MMRN1: variants seen among roughly 807,000 people sequenced by gnomAD.
MMRN1 encodes the protein multimerin-1.
MMRN1 carries 94 observed loss-of-function variants against 100.7 expected under a neutral mutation model. The observed-to-expected ratio is 0.93, with a 90% CI of 0.79 to 1.11. The LOEUF (loss-of-function observed/expected upper bound fraction) is 1.11, where lower values mean the gene tolerates loss of function less well. Ranked by LOEUF, MMRN1 falls within the 50% of genes least tolerant of loss-of-function variation. The pLI is 0.00. For missense variants in MMRN1, 1,606 were observed against 1,439.1 expected, an observed-to-expected ratio of 1.12 and a Z score of -1.88; for synonymous variants, 575 against 505.0, an observed-to-expected ratio of 1.14 and a Z score of -1.86.
At chr4:89,951,920 A>G (rs982518812) in intron 7 of MMRN1, among the ~76,000 whole-genome samples, 169 bp downstream of exon 7, 4 of 152,196 alleles carry the variant, frequency 2.6e-5, no homozygotes, top group Non-Finnish European at 5.9e-5. Flanking sequence ...ACAAGTGGAA[A>G]TGTCCTTTTG....
At chr4:89,941,277 G>A (rs528658978) in intron 6 of MMRN1, among the ~76,000 whole-genome samples, 53 of 152,214 alleles carry the variant, frequency 3.5e-4, no homozygotes, top group African/African-American at 1.1e-3. Context: ...ACAGGATCTG[G>A]CATATCCATA....
chr4:89,936,910 G>T (rs1429569083), intron 6 of MMRN1, 112 bp downstream of exon 6: 7 of 937,236 alleles, frequency 7.5e-6, no homozygotes, highest in Non-Finnish European at 9.1e-6. Flanking sequence ...ACTTGAACTT[G>T]GATAGATAGT....
chr4:89,900,070 A>G (rs1721335524), intron 1 of MMRN1, among the ~76,000 whole-genome samples: 1 of 152,054 alleles, frequency 6.6e-6, no homozygotes, highest in Non-Finnish European at 1.5e-5. Flanking sequence ...TGTCTTTCAG[A>G]CTTTGAGATT....
rs1483009960 is a variant in MMRN1 at position 89,935,579 on chromosome 4, C to T, written c.1899C>T (p.Asp633=). 1.2e-6 allele frequency: 2 copies of T among 1,613,390 alleles called. No individual in the cohort carries two copies. The highest frequency in any genetic ancestry group is 2.2e-5 in the East Asian group (1 of 44,832). Residue 633 remains aspartate, a synonymous_variant, in exon 6 of 8, where the codon GAC becomes GAT. Coordinates refer to ENST00000264790, the MANE Select transcript of MMRN1 (RefSeq NM_007351.3). ...TCTTTCCAATGGACAATAAGATGGA[C>T]AAAATGAGTGAGCAACTAAATGATT... The part of the protein sequence containing the change: ...EVLFPMDNKM[D]KMSEQLNDLT...
At chr4:89,909,544 A>G (rs1241061511) in intron 2 of MMRN1, 149 bp downstream of exon 2, 1 of 1,018,684 alleles carries the variant, frequency 9.8e-7, no homozygotes, top group Non-Finnish European at 1.4e-6. Context: ...GAAAATGCAG[A>G]CACTAATAAT....
chr4:89,923,060 CT>C, intron 3 of MMRN1, 107 bp from the exon 4 acceptor site: 1 of 872,034 alleles, frequency 1.1e-6, no homozygotes, highest in East Asian at 2.5e-5. Flanking sequence ...GACCATCATG[CT>C]TCAGTACGCG....
chr4:89,892,150 G>A (rs1331510794), upstream of MMRN1, among the ~76,000 whole-genome samples: 1 of 151,430 alleles, frequency 6.6e-6, no homozygotes, highest in Non-Finnish European at 1.5e-5. Context: ...TGAATCCTAT[G>A]TTTATGATAC....
At chr4:89,879,641 T>C (rs935547770) in intron 1 of MMRN1, 6 of 152,188 alleles carry the variant, frequency 3.9e-5, no homozygotes, top group African/African-American at 1.4e-4. Flanking sequence ...AACATTTGCT[T>C]ATTTTTGTAA....
At chr4:89,948,791 A>G (rs1723069588) in intron 6 of MMRN1, among the ~76,000 whole-genome samples, 1 of 152,166 alleles carries the variant, frequency 6.6e-6, no homozygotes, top group Non-Finnish European at 1.5e-5. Flanking sequence ...ACAGAAAGGA[A>G]CTTAAAACAG....
rs181092015 is a variant in MMRN1 at position 89,949,645 on chromosome 4, A to T, written c.3119-1960A>T. 4.2e-3 allele frequency among the ~76,000 whole-genome samples: 640 copies of T among 152,360 alleles called. 2 individuals carry two copies. The highest frequency in any genetic ancestry group is 6.4e-3 in the Non-Finnish European group (437 of 68,030). On this transcript the variant is annotated intron_variant, in intron 6 of 7. Transcript: ENST00000264790. ...AAATATTTGTTAAAAGGTATTACAC[A>T]CATGTAATATTTTAATACTTTTCTT...
At chr4:89,882,602 G>A (rs192292540) in intron 1 of MMRN1, among the ~76,000 whole-genome samples, 1 of 151,810 alleles carries the variant, frequency 6.6e-6, no homozygotes, top group African/African-American at 2.4e-5. Flanking sequence ...GACTCTCTGT[G>A]TTGTAGATAA....
At chr4:89,943,363 G>C (rs1722892355) in intron 6 of MMRN1, among the ~76,000 whole-genome samples, 1 of 152,070 alleles carries the variant, frequency 6.6e-6, no homozygotes, top group African/African-American at 2.4e-5. Flanking sequence ...TCATTTACTT[G>C]AATAGGAAAT....
chr4:89,936,925 TTG>T, intron 6 of MMRN1, 127 bp downstream of exon 6: 5 of 787,224 alleles, frequency 6.4e-6, no homozygotes, highest in Non-Finnish European at 9.5e-6. Flanking sequence ...GATAGTCAAG[TTG>T]TGAAGATCAC....
chr4:89,928,121 A>G (rs1036032238), intron 5 of MMRN1, among the ~76,000 whole-genome samples, 153 bp downstream of exon 5: 2 of 152,118 alleles, frequency 1.3e-5, no homozygotes, highest in Admixed American at 1.3e-4. Flanking sequence ...AATTCACTAA[A>G]ATTCTGAAAT....
In MMRN1 at chr4:89,921,647, T is replaced by C. The variant is rs539988020; in HGVS notation, c.851-1521T>C. ...CCAAGCTGCAGATTGCTTTTGTCCA[T>C]CAGATAAGTCAACAATTACACAGGA... On this transcript the variant is annotated intron_variant, in intron 3 of 7. Transcript: ENST00000264790. Among the ~76,000 whole-genome samples, 23 of 152,216 alleles carry C rather than the reference T, an allele frequency of 1.5e-4. 1 individual carries two copies. The highest frequency in any genetic ancestry group is 3.4e-3 in the Middle Eastern group (1 of 294).
At chr4:89,905,811 A>G (rs2110591167) in intron 1 of MMRN1, among the ~76,000 whole-genome samples, 1 of 151,602 alleles carries the variant, frequency 6.6e-6, no homozygotes, top group South Asian at 2.1e-4. Context: ...TGGCGATTTT[A>G]TTGTCTTACC....
intron 3 of MMRN1, among the ~76,000 whole-genome samples, chr4:89,917,889 G>A (rs935359313): frequency 6.6e-6 from 1 of 151,774 alleles, no homozygotes; most frequent in African/African-American, 2.4e-5. Flanking sequence ...TAAATACTGT[G>A]TGTATTTTTG....
At chr4:89,934,660 T>G (rs1722543953) in intron 5 of MMRN1, 150 bp from the exon 6 acceptor site, 1 of 431,206 alleles carries the variant, frequency 2.3e-6, no homozygotes, top group Non-Finnish European at 4.0e-6. Context: ...TAAATTATAG[T>G]AATTTTTAAA....
chr4:89,914,366 C>T (rs544514941), intron 3 of MMRN1, among the ~76,000 whole-genome samples: 3 of 151,342 alleles, frequency 2.0e-5, no homozygotes, highest in Admixed American at 1.3e-4. Flanking sequence ...GAATACATGG[C>T]GATTCTCTCT....
Sources: allele counts gnomAD v4.1 joint callset (sites outside exome capture counted in the v4.1 genomes callset), GRCh38; gene constraint gnomAD v4.1.1; transcripts MANE v1.5; gene names NCBI Gene and HGNC (gene_info 2026-07-23, HGNC 2026-07-21).